ZNF362: variants seen among roughly 807,000 people sequenced by gnomAD.
The protein encoded by ZNF362 is zinc finger protein 362, also known as rotund homolog.
ZNF362 carries 11 observed loss-of-function variants against 42.9 expected under a neutral mutation model. The observed-to-expected ratio is 0.26, with a 90% CI of 0.16 to 0.42. ZNF362 has a LOEUF of 0.42. Among genes scored for constraint, ZNF362 ranks in the 20% least tolerant of loss-of-function variants. The pLI is 1.00. For synonymous variants in ZNF362, 255 were observed against 257.3 expected (o/e 0.99, Z 0.09); for missense variants, 362 against 576.2 (o/e 0.63, Z 3.81).
chr1:33,226,792 G>C, the ZNF362 span, among the ~76,000 whole-genome samples: 8 of 152,300 alleles, frequency 5.3e-5, no homozygotes, highest in Non-Finnish European at 1.2e-4. Context: ...TTGAACCCGG[G>C]AGGCAGAGGT....
At chr1:33,293,386 A>G (rs560420685) in intron 6 of ZNF362, among the ~76,000 whole-genome samples, 75 of 151,718 alleles carry the variant, frequency 4.9e-4, no homozygotes, top group Admixed American at 2.0e-4. Flanking sequence ...ATGACATATA[A>G]GGAATTTGGA....
At chr1:33,190,699 G>A in the ZNF362 span, among the ~76,000 whole-genome samples, 4 of 152,136 alleles carry the variant, frequency 2.6e-5, no homozygotes, top group African/African-American at 7.2e-5. Context: ...ACCTCTTAGC[G>A]CCACAACCAC....
At chr1:33,184,403 C>T in the ZNF362 span, among the ~76,000 whole-genome samples, 2 of 152,182 alleles carry the variant, frequency 1.3e-5, no homozygotes, top group South Asian at 2.1e-4. Context: ...GAGTAGCAGT[C>T]GGAGGAATGG....
intron 6 of ZNF362, among the ~76,000 whole-genome samples, chr1:33,293,627 G>C (rs1646095384): frequency 6.6e-6 from 1 of 152,216 alleles, no homozygotes; most frequent in Non-Finnish European, 1.5e-5. Context: ...CTCCACTTCT[G>C]TTCCTCAACA....
chr1:33,224,019 A>C, the ZNF362 span, among the ~76,000 whole-genome samples: 1 of 152,186 alleles, frequency 6.6e-6, no homozygotes, highest in African/African-American at 2.4e-5. Context: ...TCTTGAGAAA[A>C]AGAACATGAT....
At chr1:33,252,218 G>T (rs1400954794), upstream of ZNF362, among the ~76,000 whole-genome samples, 2 of 152,204 alleles carry the variant, frequency 1.3e-5, no homozygotes, top group Non-Finnish European at 2.9e-5. Context: ...AGGTGTGGTG[G>T]CATGTGCCTG....
In ZNF362 at chr1:33,288,602, G is replaced by A. The variant is rs1006393639; in HGVS notation, c.909-6335G>A. 4.6e-5 allele frequency among the ~76,000 whole-genome samples: 7 copies of A among 151,766 alleles called. No homozygotes were observed. In the South Asian group the frequency reaches 6.3e-4, roughly 14 times the overall value. On this transcript the variant is annotated intron_variant, in intron 6 of 8. Coordinates refer to ENST00000539719, the MANE Select transcript of ZNF362 (RefSeq NM_152493.3). Reference sequence around the variant, plus strand: ...TACTAAAAATACAAAAAAATTAGCCGAGCACAGTGGCACAGGCCTGTAGTC... The same window carrying A: ...TACTAAAAATACAAAAAAATTAGCCAAGCACAGTGGCACAGGCCTGTAGTC...
chr1:33,138,166 G>A, the ZNF362 span, among the ~76,000 whole-genome samples: 96 of 152,168 alleles, frequency 6.3e-4, no homozygotes, highest in African/African-American at 2.1e-3. Flanking sequence ...GAGCAAGAGC[G>A]TTCTGGGCAT....
At chr1:33,237,537 TC>T in the ZNF362 span, among the ~76,000 whole-genome samples, 2 of 152,172 alleles carry the variant, frequency 1.3e-5, no homozygotes, top group South Asian at 2.1e-4. Flanking sequence ...GCTTTCTCTT[TC>T]CCCCTGAAGC....
the ZNF362 span, among the ~76,000 whole-genome samples, chr1:33,218,986 C>CACATA: frequency 6.8e-6 from 1 of 146,482 alleles, no homozygotes; most frequent in East Asian, 2.1e-4. Context: ...CACACATACA[C>CACATA]CACCCCCTGC....
At chr1:33,163,286 G>T in the ZNF362 span, 2 of 152,158 alleles carry the variant, frequency 1.3e-5, no homozygotes, top group African/African-American at 4.8e-5. Context: ...TGATCCGCCC[G>T]CCTCAGCCTC....
the ZNF362 span, among the ~76,000 whole-genome samples, chr1:33,250,842 GAAGA>G: frequency 8.9e-5 from 11 of 123,954 alleles, no homozygotes; most frequent in South Asian, 2.8e-4. Context: ...GAAGAAGAAA[GAAGA>G]AAGAAGGAAG....
intron 2 of ZNF362, 35 bp downstream of exon 2, chr1:33,270,647 A>G: frequency 6.2e-7 from 1 of 1,607,006 alleles, no homozygotes; most frequent in African/African-American, 1.3e-5. Context: ...GCACTCTGTC[A>G]ATGAGGGTTT....
At chr1:33,185,886 G>A in the ZNF362 span, among the ~76,000 whole-genome samples, 1,378 of 152,172 alleles carry the variant, frequency 9.1e-3, 22 homozygotes, top group African/African-American at 0.031. Context: ...GGCATTATTT[G>A]CATAACAAAA....
intron 1 of ZNF362, among the ~76,000 whole-genome samples, chr1:33,262,558 T>C (rs543252192): frequency 2.6e-5 from 4 of 152,194 alleles, no homozygotes; most frequent in African/African-American, 4.8e-5. Flanking sequence ...CCATCCGCCT[T>C]GGCCTCCCAA....
At chr1:33,165,248 A>G in the ZNF362 span, 9 of 482,478 alleles carry the variant, frequency 1.9e-5, no homozygotes, top group African/African-American at 4.0e-5. This position sits in a 1 kb window ranked among gnomAD's most constrained non-coding sequence, Gnocchi z 4.0. Context: ...GGACCAGCCC[A>G]CATCCTTGCC....
chr1:33,144,397 CAA>C, the ZNF362 span, among the ~76,000 whole-genome samples: 2 of 152,196 alleles, frequency 1.3e-5, no homozygotes, highest in Non-Finnish European at 2.9e-5. Flanking sequence ...CTTGGCCTCC[CAA>C]AGTGTTGGGA....
chr1:33,229,314 G>A, the ZNF362 span, among the ~76,000 whole-genome samples: 1 of 151,992 alleles, frequency 6.6e-6, no homozygotes, highest in African/African-American at 2.4e-5. Context: ...ATTCTAGAAA[G>A]AGCTTATTAG....
intron 8 of ZNF362, 37 bp from the exon 9 acceptor site, chr1:33,298,893 G>A (rs200604706): frequency 6.4e-7 from 1 of 1,572,892 alleles, no homozygotes; most frequent in Non-Finnish European, 8.7e-7. Flanking sequence ...CTCCCTTGCT[G>A]GTGGTTCCCT....
Sources: gnomAD v4.1 joint callset for allele counts (sites outside exome capture counted in the v4.1 genomes callset) on GRCh38, gnomAD v4.1.1 for gene constraint, Gnocchi (gnomAD v3.1) non-coding constraint, MANE v1.5 for transcripts, NCBI Gene and HGNC (gene_info 2026-07-23, HGNC 2026-07-21) for gene names.